Variants in ME3 observed in about 807,000 individuals in gnomAD.
The protein encoded by ME3 is NADP-dependent malic enzyme, mitochondrial.
In ME3, 48 loss-of-function variants were observed where a neutral mutation model predicts 68.9. The observed-to-expected ratio is 0.70, with a 90% confidence interval of 0.55 to 0.89. The LOEUF (loss-of-function observed/expected upper bound fraction) is 0.89, where lower values mean the gene tolerates loss of function less well. Among genes scored for constraint, ME3 ranks in the 40% least tolerant of loss-of-function variants. The pLI is 0.00. For missense variants in ME3, 675 were observed against 797.4 expected, an observed-to-expected ratio of 0.85 and a Z score of 1.85; for synonymous variants, 320 against 318.8, an observed-to-expected ratio of 1.00 and a Z score of -0.04.
chr11:86,614,495 T>G (rs996792924), intron 2 of ME3, among the ~76,000 whole-genome samples: 1 of 152,090 alleles, frequency 6.6e-6, no homozygotes, highest in Non-Finnish European at 1.5e-5. Flanking sequence ...TGAGGACCTG[T>G]TTTCCTTTCT....
intron 4 of ME3, among the ~76,000 whole-genome samples, chr11:86,554,344 G>A (rs770787693): frequency 4.6e-5 from 7 of 152,164 alleles, no homozygotes; most frequent in Non-Finnish European, 7.3e-5. Context: ...GGGGATAAAG[G>A]TCCTCTTCAG....
intron 8 of ME3, among the ~76,000 whole-genome samples, chr11:86,454,107 A>C (rs750418829): frequency 6.6e-6 from 1 of 152,244 alleles, no homozygotes; most frequent in African/African-American, 2.4e-5. Flanking sequence ...AAGGAAATGA[A>C]AGTAGGACTA....
At position 86,525,511 on chromosome 11, in the gene ME3, T is replaced by TA. The variant is rs545938132; in HGVS notation, c.468-16645dup. Among the ~76,000 whole-genome samples, 384 of 138,004 alleles carry TA rather than the reference T, an allele frequency of 2.8e-3. 1 individual carries two copies. Among genetic ancestry groups the TA allele is most frequent in the Middle Eastern group, 3.8e-3 (1 of 262 alleles). 90.5% of individuals were successfully genotyped at this position (138,004 alleles called of 152,430 possible). ...AAAAGGCTAACGTGGCTGAATGGTT[T>TA]AAAAAAAAAAAAAAAGACCCACTAT... On this transcript the variant is annotated intron_variant, in intron 4 of 14. Coordinates refer to ENST00000543262, the Ensembl canonical transcript of ME3.
At chr11:86,468,538 G>A (rs1291745935) in intron 7 of ME3, among the ~76,000 whole-genome samples, 4 of 152,152 alleles carry the variant, frequency 2.6e-5, no homozygotes, top group African/African-American at 9.7e-5. Context: ...TTTAGGAAGG[G>A]GTGGATTGGA....
intron 8 of ME3, among the ~76,000 whole-genome samples, chr11:86,453,848 AC>A (rs1404329039): frequency 6.6e-6 from 1 of 152,180 alleles, no homozygotes; most frequent in Admixed American, 6.5e-5. Flanking sequence ...CATAGCTGCC[AC>A]TCAGTGACAC....
intron 2 of ME3, among the ~76,000 whole-genome samples, chr11:86,624,240 A>C (rs1417976479): frequency 6.6e-6 from 1 of 152,162 alleles, no homozygotes; most frequent in Non-Finnish European, 1.5e-5. Context: ...GCCTGCCTGA[A>C]TTCCACTAAC....
At chr11:86,630,281 G>A (rs1045516431) in intron 2 of ME3, among the ~76,000 whole-genome samples, 1 of 152,152 alleles carries the variant, frequency 6.6e-6, no homozygotes, top group African/African-American at 2.4e-5. Context: ...TGGTCATGAG[G>A]CCCTGACTGA....
intron 2 of ME3, among the ~76,000 whole-genome samples, chr11:86,560,082 ATGTTT>A (rs1418796666): frequency 6.6e-6 from 1 of 151,958 alleles, no homozygotes; most frequent in Non-Finnish European, 1.5e-5. Flanking sequence ...CTTAATATAT[ATGTTT>A]TATTTTATTT....
intron 6 of ME3, among the ~76,000 whole-genome samples, chr11:86,490,131 A>G (rs148541551): frequency 7.9e-5 from 12 of 152,316 alleles, no homozygotes; most frequent in African/African-American, 2.9e-4. Context: ...ATATCACTGT[A>G]TTAGGTGTGG....
At chr11:86,571,939 G>A (rs531590820) in intron 2 of ME3, among the ~76,000 whole-genome samples, 1 of 152,362 alleles carries the variant, frequency 6.6e-6, no homozygotes, top group Non-Finnish European at 1.5e-5. Flanking sequence ...AGGAAGGGAA[G>A]TTTAACGATG....
At chr11:86,564,949 A>T (rs1957406640) in intron 2 of ME3, among the ~76,000 whole-genome samples, 1 of 152,218 alleles carries the variant, frequency 6.6e-6, no homozygotes, top group African/African-American at 2.4e-5. Context: ...CACATATCTG[A>T]TAATGGTTTA....
intron 4 of ME3, among the ~76,000 whole-genome samples, chr11:86,540,944 C>T (rs1463069905): frequency 1.3e-5 from 2 of 152,192 alleles, no homozygotes; most frequent in Non-Finnish European, 2.9e-5. Flanking sequence ...GTACCTGGCT[C>T]ATCTCATTGG....
chr11:86,656,941 T>C (rs1945928767), intron 2 of ME3, among the ~76,000 whole-genome samples: 1 of 151,662 alleles, frequency 6.6e-6, no homozygotes, highest in South Asian at 2.1e-4. Flanking sequence ...CCAGTTAGAA[T>C]GGCAATCATT....
chr11:86,662,327 T>G (rs603241), intron 2 of ME3, among the ~76,000 whole-genome samples: 67 of 152,146 alleles, frequency 4.4e-4, no homozygotes, highest in Non-Finnish European at 7.4e-4. Flanking sequence ...ATCTGTCATA[T>G]AAGAACAATA....
intron 2 of ME3, among the ~76,000 whole-genome samples, chr11:86,661,743 C>T (rs142452190): frequency 6.6e-6 from 1 of 152,196 alleles, no homozygotes; most frequent in African/African-American, 2.4e-5. Flanking sequence ...ATGCACCTCT[C>T]GTTACATCTA....
chr11:86,498,021 C>T (rs772105500), exon 6 of ME3: 1 of 1,613,210 alleles, frequency 6.2e-7, no homozygotes, highest in Non-Finnish European at 8.5e-7. Flanking sequence ...GTTCACCCCT[C>T]CGCATGCCGT....
intron 4 of ME3, among the ~76,000 whole-genome samples, chr11:86,521,431 A>AAAAAAAATAATAATAATAAT (rs1271326906): frequency 6.9e-6 from 1 of 145,924 alleles, no homozygotes; most frequent in African/African-American, 2.6e-5. Flanking sequence ...AACAAAACAA[A>AAAAAAAATAATAATAATAAT]AATAATAATA....
At chr11:86,557,610 C>T (rs1249021167) in intron 3 of ME3, among the ~76,000 whole-genome samples, 1 of 152,166 alleles carries the variant, frequency 6.6e-6, no homozygotes, top group Non-Finnish European at 1.5e-5. Flanking sequence ...TCTTGTGTGA[C>T]TTCTTGGGTC....
intron 9 of ME3, 76 bp downstream of exon 9, chr11:86,450,225 C>G (rs780833139): frequency 8.6e-6 from 12 of 1,392,624 alleles, no homozygotes; most frequent in Non-Finnish European, 1.1e-5. Flanking sequence ...CCCAGAATGC[C>G]TCCCTTTTTT....
Sources: allele counts gnomAD v4.1 joint callset (sites outside exome capture counted in the v4.1 genomes callset), GRCh38; gene constraint gnomAD v4.1.1; transcripts MANE v1.5; gene names NCBI Gene and HGNC (gene_info 2026-07-23, HGNC 2026-07-21).